Variants in SUPT6H observed in about 807,000 individuals in gnomAD.
SUPT6H encodes the protein transcription elongation factor SPT6.
A neutral mutation model predicts 222.3 loss-of-function variants in SUPT6H; 11 were observed. The observed-to-expected ratio is 0.05, with a 90% CI of 0.03 to 0.08. The LOEUF is 0.08. SUPT6H is among the 10% of genes least tolerant of loss of function. SUPT6H has a pLI of 1.00. For synonymous variants in SUPT6H, 762 were observed against 801.2 expected (o/e 0.95, Z 0.83); for missense variants, 1,422 against 2,216.0 (o/e 0.64, Z 7.19).
intron 33 of SUPT6H, 119 bp from the exon 34 acceptor site, chr17:28,700,054 C>G (rs1481382396): frequency 6.8e-7 from 1 of 1,481,152 alleles, no homozygotes; most frequent in Non-Finnish European, 9.4e-7. Context: ...TCTCCATCCA[C>G]TGTGCCTATG....
At chr17:28,674,945 A>T (rs1250629026) in intron 4 of SUPT6H, 25 bp from the exon 5 acceptor site, 1 of 1,610,356 alleles carries the variant, frequency 6.2e-7, no homozygotes, top group Non-Finnish European at 8.5e-7. Context: ...TCAGATCCTG[A>T]TAAGGCAGGT....
chr17:28,701,512 C>T lies in SUPT6H; in HGVS notation c.5068C>T (p.Arg1690Trp), dbSNP rs367759796. 16 of 1,614,002 alleles carry T rather than the reference C, an allele frequency of 9.9e-6. No individual in the cohort carries two copies. In the Admixed American group the frequency reaches 1.0e-4, roughly 10 times the overall value. Residue 1690 changes from arginine to tryptophan, a missense_variant, in exon 37 of 37, where the codon CGG becomes TGG. Physicochemically the swap from Arg to Trp is moderately radical, Grantham distance 101. Around this residue, in one of 13 missense-constraint regions of SUPT6H, gnomAD observed 395 missense variants for 580.6 expected, o/e 0.68. Coordinates refer to ENST00000314616, the MANE Select transcript of SUPT6H (RefSeq NM_003170.5). Reference sequence around the variant, plus strand: ...GCTGCAGGAAAAGGAGGCAGAACGGCGGAAACAGAAGCAGCGGCTGACACC... The same window carrying T: ...GCTGCAGGAAAAGGAGGCAGAACGGTGGAAACAGAAGCAGCGGCTGACACC... ...QWLQEKEAER[R>W]KQKQRLTPRP...
intron 25 of SUPT6H, among the ~76,000 whole-genome samples, chr17:28,689,849 C>T (rs1391990142): frequency 3.3e-5 from 5 of 152,108 alleles, no homozygotes; most frequent in Non-Finnish European, 7.4e-5. Flanking sequence ...TCCTTTCTAA[C>T]AGCACAGCTT....
chr17:28,666,625 C>T (rs186172775), intron 1 of SUPT6H, among the ~76,000 whole-genome samples: 23 of 150,996 alleles, frequency 1.5e-4, no homozygotes, highest in Admixed American at 7.3e-4. Flanking sequence ...GATCTCGACT[C>T]ACTGCAAGCT....
At position 28,681,300 on chromosome 17, in the gene SUPT6H, A is replaced by G; in HGVS notation, c.1394A>G (p.Asn465Ser). 6.2e-7 allele frequency: 1 copy of G among 1,614,016 alleles called. No individual in the cohort carries two copies. The highest frequency in any genetic ancestry group is 1.1e-5 in the South Asian group (1 of 91,058). The change falls in exon 12 of 37, where the codon AAC (asparagine) becomes AGC (serine). Residue 465 changes from asparagine to serine, a missense_variant. Transcript: ENST00000314616. The stretch of plus-strand genomic sequence containing the variant: ...ATGGATGAGCTGAAAGATGTCTACA[A>G]CCATTTTCTTCTTTATTATGGCCGA... ...QSMDELKDVYNHFLLYYGRDI... is the reference protein window; with the variant it reads ...QSMDELKDVYSHFLLYYGRDI...
chr17:28,662,707 G>C (rs1176063011), intron 1 of SUPT6H, among the ~76,000 whole-genome samples: 1 of 152,190 alleles, frequency 6.6e-6, no homozygotes, highest in Non-Finnish European at 1.5e-5. Flanking sequence ...GTTTGTTCTG[G>C]GGATATGAAT....
In SUPT6H at chr17:28,691,230, T is replaced by A. The variant is rs1402988474; in HGVS notation, c.3633+167T>A. The stretch of plus-strand genomic sequence containing the variant: ...CACAGGTTTAGCATGAAGTCCCTTC[T>A]GAGAAGGCTGACATAGCTGGGCACG... On this transcript the variant is annotated intron_variant, in intron 27 of 36. Transcript: ENST00000314616. The A allele has an allele frequency of 8.5e-6, 8 of 945,662 alleles. No individual in the cohort carries two copies. In the Admixed American group the frequency reaches 2.0e-4, roughly 24 times the overall value. 58.6% of individuals were successfully genotyped at this position (945,662 alleles called of 1,614,324 possible). A position where few individuals can be genotyped will look rare whatever the true frequency, so the allele number is the denominator to read the frequency against.
At chr17:28,689,971 C>A (rs1277039803) in intron 25 of SUPT6H, 111 bp from the exon 26 acceptor site, 1 of 1,331,194 alleles carries the variant, frequency 7.5e-7, no homozygotes, top group East Asian at 2.3e-5. Context: ...AAAGAAGAAG[C>A]CCTGACAGAA....
intron 36 of SUPT6H, 68 bp from the exon 37 acceptor site, chr17:28,701,371 G>T: frequency 6.4e-7 from 1 of 1,566,288 alleles, no homozygotes; most frequent in African/African-American, 1.3e-5. Flanking sequence ...TTTCTGCAAG[G>T]GTACAGTGAT....
intron 14 of SUPT6H, 26 bp downstream of exon 14, chr17:28,682,882 G>T (rs992753876): frequency 1.2e-6 from 2 of 1,613,936 alleles, no homozygotes; most frequent in Non-Finnish European, 1.7e-6. Context: ...GTGGCTGACA[G>T]GAGGAGGGGC....
rs1183812819 is a variant in SUPT6H at position 28,688,370 on chromosome 17, C to G, written c.3134+152C>G. 4 of 919,676 alleles carry G rather than the reference C, an allele frequency of 4.3e-6. No homozygotes were observed. The Admixed American group carries it at 1.3e-4, about 30-fold the overall frequency. 57.0% of individuals were successfully genotyped at this position (919,676 alleles called of 1,614,324 possible). Reference sequence around the variant, plus strand: ...AAGGAACTTTATTCAGTCAAGAGCCCCTGACCTATGGAAAAGATCGGTTCA... The same window carrying G: ...AAGGAACTTTATTCAGTCAAGAGCCGCTGACCTATGGAAAAGATCGGTTCA... On this transcript the variant is annotated intron_variant, in intron 24 of 36. Transcript: ENST00000314616. This position sits in a 1 kb window ranked among gnomAD's most constrained non-coding sequence, Gnocchi z 4.3.
intron 1 of SUPT6H, among the ~76,000 whole-genome samples, chr17:28,671,527 G>C (rs1214426601): frequency 6.6e-6 from 1 of 152,146 alleles, no homozygotes; most frequent in East Asian, 1.9e-4. Flanking sequence ...TGTGTCAGCA[G>C]CCAGCTTTAG....
Position 28,689,960 on chromosome 17 carries a change from A to G in SUPT6H, c.3343-122A>G, listed in dbSNP as rs2031561493. On this transcript the variant is annotated intron_variant, in intron 25 of 36. Transcript: ENST00000314616. ...ACCTTTAGTAAATGTTGATGGAAAG[A>G]AAAGAAGAAGCCCTGACAGAAACTT... The G allele has an allele frequency of 6.2e-6, 8 of 1,284,826 alleles. 1 individual carries two copies. In the South Asian group the frequency reaches 9.4e-5, roughly 15 times the overall value. The allele number at this position is 1,284,826 out of a possible 1,614,324, so 79.6% of individuals were successfully genotyped here.
rs980189236 is a variant in SUPT6H, at chr17:28,676,008, G to A, written c.624-149G>A. 8 of 898,324 alleles carry A rather than the reference G, an allele frequency of 8.9e-6. No homozygotes were observed. In the Admixed American group the frequency reaches 1.6e-4, roughly 18 times the overall value. The allele number at this position is 898,324 out of a possible 1,614,324, so 55.6% of individuals were successfully genotyped here. A position where few individuals can be genotyped will look rare whatever the true frequency, so the allele number is the denominator to read the frequency against. On this transcript the variant is annotated intron_variant, in intron 6 of 36. Transcript: ENST00000314616. ...TTGCCCAGAAATATCCGCCAATGAA[G>A]CCTTTCGTCCACAGTGAATATGGTT...
At chr17:28,665,615 T>C (rs1443835104) in intron 1 of SUPT6H, among the ~76,000 whole-genome samples, 2 of 152,016 alleles carry the variant, frequency 1.3e-5, no homozygotes, top group East Asian at 1.9e-4. Flanking sequence ...AAGAAAAAAT[T>C]AGCTGGACGT....
chr17:28,675,438 T>C lies in SUPT6H; in HGVS notation c.576T>C (p.Pro192=). Residue 192 remains proline, a synonymous_variant, in exon 6 of 37, where the codon CCT becomes CCC. Coordinates refer to ENST00000314616, the MANE Select transcript of SUPT6H (RefSeq NM_003170.5). ...TCATTGTGGATGATGATGGACAGCC[T>C]CTGAAAAAACCTAAGTGGCGGAAAA... ...DDFIVDDDGQ[P]LKKPKWRKKL... The C allele has an allele frequency of 6.2e-7, 1 of 1,614,120 alleles. No homozygotes were observed. Among genetic ancestry groups the C allele is most frequent in the Non-Finnish European group, 8.5e-7 (1 of 1,180,006 alleles).
At chr17:28,686,504 G>GGCTTGT in intron 20 of SUPT6H, 89 bp downstream of exon 20, 2 of 1,549,310 alleles carry the variant, frequency 1.3e-6, no homozygotes, top group Non-Finnish European at 1.8e-6. Context: ...TAACAGATGG[G>GGCTTGT]GCTTGTGCTT....
Position 28,684,673 on chromosome 17 carries a change from G to A in SUPT6H, c.2317G>A (p.Glu773Lys), listed in dbSNP as rs759121806. 2.5e-6 allele frequency: 4 copies of A among 1,614,150 alleles called. No individual in the cohort carries two copies. The highest frequency in any genetic ancestry group is 1.1e-5 in the South Asian group (1 of 91,072). ...GGAAGAAGATGACGACTTTATGGAC[G>A]AGAACCAAGGGAAGGGCATTCGAGT... ...QVEEDDDFMD[E>K]NQGKGIRVLG... The change falls in exon 18 of 37, where the codon GAG (glutamate) becomes AAG (lysine). Residue 773 changes from glutamate to lysine, a missense_variant. This residue lies in a region of SUPT6H where 294 missense variants were observed against 382.1 expected (regional missense o/e 0.77). Coordinates refer to ENST00000314616, the MANE Select transcript of SUPT6H (RefSeq NM_003170.5).
chr17:28,668,767 G>A (rs1054034033), intron 1 of SUPT6H, among the ~76,000 whole-genome samples: 1 of 152,178 alleles, frequency 6.6e-6, no homozygotes, highest in African/African-American at 2.4e-5. Flanking sequence ...GCTATGTGTG[G>A]GGGCTGCCGT....
Sources: gnomAD v4.1 joint callset for allele counts (sites outside exome capture counted in the v4.1 genomes callset) on GRCh38, gnomAD v4.1.1 for gene constraint, gnomAD v4.1.1 regional missense constraint, Gnocchi (gnomAD v3.1) non-coding constraint, MANE v1.5 for transcripts, NCBI Gene and HGNC (gene_info 2026-07-23, HGNC 2026-07-21) for gene names.